SELENON: variants seen among roughly 807,000 people sequenced by gnomAD.
SELENON encodes selenoprotein N, also known as selenoprotein N, 1.
Under a neutral mutation model 59.5 loss-of-function variants are expected in SELENON, and 44 were observed. The observed-to-expected ratio is 0.74, with a 90% CI of 0.58 to 0.95. The LOEUF (loss-of-function observed/expected upper bound fraction) is 0.95. SELENON is among the 40% of genes least tolerant of loss of function. The probability of loss-of-function intolerance (pLI) is 0.00; values close to 1 mark genes in which losing one functional copy is unlikely to be tolerated. For missense variants in SELENON, 674 were observed against 721.4 expected (o/e 0.93, Z 0.75); for synonymous variants, 320 against 305.6 (o/e 1.05, Z -0.49).
chr1:25,812,584 C>CACAT, intron 9 of SELENON, 103 bp from the exon 9 acceptor site: 1 of 751,652 alleles, frequency 1.3e-6, no homozygotes. Context: ...CACACACACA[C>CACAT]ACACACACAC....
At chr1:25,802,138 G>T in intron 3 of SELENON, 1 of 234,702 alleles carries the variant, frequency 4.3e-6, no homozygotes, top group Non-Finnish European at 8.9e-6. Flanking sequence ...CCACAGGCAT[G>T]TGCTACCACG....
rs774698924 is a variant in SELENON, at chr1:25,811,504, A to G, written c.1061A>G (p.Asn354Ser). 9.9e-6 allele frequency: 16 copies of G among 1,614,140 alleles called. No individual in the cohort carries two copies. In the South Asian group the frequency reaches 1.5e-4, roughly 16 times the overall value. The change falls in exon 8 of 13, where the codon AAC becomes AGC. Residue 354 changes from asparagine (N) to serine (S), a missense_variant. Transcript: ENST00000361547. ...CTTTACGGGGCCAGTGAAAGCAGCAACATGGAGGTGGACATCGGCTACATA... is the reference window on the plus strand; with the variant it reads ...CTTTACGGGGCCAGTGAAAGCAGCAGCATGGAGGTGGACATCGGCTACATA...
At chr1:25,810,579 C>T (rs1237678565) in intron 7 of SELENON, among the ~76,000 whole-genome samples, 1 of 152,220 alleles carries the variant, frequency 6.6e-6, no homozygotes, top group Non-Finnish European at 1.5e-5. Flanking sequence ...AGGCCCTGGC[C>T]CTCTGTAGGC....
At chr1:25,804,321 A>T (rs1289886892) in intron 3 of SELENON, among the ~76,000 whole-genome samples, 1 of 152,132 alleles carries the variant, frequency 6.6e-6, no homozygotes, top group Non-Finnish European at 1.5e-5. Flanking sequence ...CTTCTGGTTG[A>T]GAACTGCTTT....
At position 25,807,599 on chromosome 1, in the gene SELENON, C is replaced by T. The variant is rs1010520305; in HGVS notation, c.538-981C>T. Among the ~76,000 whole-genome samples, 1 of 152,184 alleles carries T rather than the reference C, an allele frequency of 6.6e-6. No homozygotes were observed. Among genetic ancestry groups the T allele is most frequent in the East Asian group, 1.9e-4 (1 of 5,174 alleles). ...CCCAGCACCCATCGCTGGCAGGTCC[C>T]CTGCAGGGGGTGGCAAGCCTACAAG... On this transcript the variant is annotated intron_variant, in intron 4 of 12. Coordinates refer to ENST00000361547, the MANE Select transcript of SELENON (RefSeq NM_020451.3). This position sits in a 1 kb window ranked among gnomAD's most constrained non-coding sequence, Gnocchi z 4.5.
chr1:25,815,782 A>G lies in SELENON; in HGVS notation c.*64A>G, dbSNP rs974087501. The G allele has an allele frequency of 5.1e-6, 8 of 1,565,674 alleles. No homozygotes were observed. Among genetic ancestry groups the G allele is most frequent in the African/African-American group, 4.1e-5 (3 of 74,048 alleles). On this transcript the variant is annotated 3_prime_UTR_variant, in exon 13 of 13. Transcript: ENST00000361547. ...TCAGAGCCAGAGTGGTCCTCAGCCC[A>G]TTTCAGACTGCAGATGCCGCCCACT...
At position 25,812,699 on chromosome 1, in the gene SELENON, C is replaced by T; in HGVS notation, c.1294C>T (p.Pro432Ser). ...GGTGTGGCCCCAGGTCTCCTACTTGCCGTTCACTGAGGCCTTCGACCGAGC... is the reference window on the plus strand; with the variant it reads ...GGTGTGGCCCCAGGTCTCCTACTTGTCGTTCACTGAGGCCTTCGACCGAGC... The change falls in exon 10 of 13, where the codon CCG becomes TCG. Residue 432 changes from proline (P) to serine (S), a missense_variant. Transcript: ENST00000361547. 1 of 1,611,506 alleles carries T rather than the reference C, an allele frequency of 6.2e-7. No homozygotes were observed. Among genetic ancestry groups the T allele is most frequent in the Admixed American group, 1.7e-5 (1 of 59,912 alleles).
In SELENON at chr1:25,813,939, C is replaced by T; in HGVS notation, c.1446C>T (p.Leu482=). Reference sequence around the variant, plus strand: ...AAAGTTCGCCCATCCTCACCCTGCTCAACGAGAGCTTCATCAGCACCTGGT... The same window carrying T: ...AAAGTTCGCCCATCCTCACCCTGCTTAACGAGAGCTTCATCAGCACCTGGT... Residue 482 remains leucine (L), a synonymous_variant, in exon 11 of 13, where the codon CTC becomes CTT. Transcript: ENST00000361547. The T allele has an allele frequency of 1.2e-6, 2 of 1,614,168 alleles. No homozygotes were observed. Among genetic ancestry groups the T allele is most frequent in the African/African-American group, 1.3e-5 (1 of 75,042 alleles).
chr1:25,803,165 TG>T (rs2124440164), intron 3 of SELENON, among the ~76,000 whole-genome samples: 1 of 152,356 alleles, frequency 6.6e-6, no homozygotes, highest in African/African-American at 2.4e-5. Flanking sequence ...CTGTACTTCT[TG>T]TTTTGCATAC....
rs1277057469 is a variant in SELENON, at chr1:25,802,096, T to C, written c.382T>C (p.Ser128Pro). The C allele has an allele frequency of 6.8e-6, 2 of 295,694 alleles. No homozygotes were observed. Among genetic ancestry groups the C allele is most frequent in the Non-Finnish European group, 1.4e-5 (2 of 142,268 alleles). The allele number at this position is 295,694 out of a possible 1,614,324, so 18.3% of individuals were successfully genotyped here. Residue 128 changes from serine (S) to proline (P), a missense_variant, in exon 3 of 13, where the codon TCC becomes CCC. Coordinates refer to ENST00000361547, the MANE Select transcript of SELENON (RefSeq NM_020451.3). ...GCCTCAACTTCCCTGGCTCAATTGA[T>C]CCTCCTGCCTCAGCCTCCTGAGTAA...
At position 25,800,200 on chromosome 1, in the gene SELENON, G is replaced by GGGCCGCCGGC. The variant is rs1553198455; in HGVS notation, c.-30_-21dup. ...GCCCCGCCCCGCTCTTTCGCTTCCC[G>GGGCCGCCGGC]GGCCGCCGGCAGCCGCCGCCAGCCG... is the stretch of plus-strand genomic sequence containing the variant. On this transcript the variant is annotated 5_prime_UTR_variant, in exon 1 of 13. Transcript: ENST00000361547. 4.2e-5 allele frequency: 14 copies of GGGCCGCCGGC among 336,198 alleles called. No homozygotes were observed. Among genetic ancestry groups the GGGCCGCCGGC allele is most frequent in the Non-Finnish European group, 5.8e-5 (14 of 241,780 alleles). 20.8% of individuals were successfully genotyped at this position (336,198 alleles called of 1,614,324 possible).
intron 7 of SELENON, 115 bp downstream of exon 6, chr1:25,809,935 C>T (rs1428412747): frequency 1.5e-6 from 2 of 1,346,256 alleles, no homozygotes; most frequent in African/African-American, 2.9e-5. Flanking sequence ...TCCCCAGAGC[C>T]CATCTCATGG....
At chr1:25,808,522 C>T in intron 4 of SELENON, 58 bp from the exon 4 acceptor site, 1 of 1,593,202 alleles carries the variant, frequency 6.3e-7, no homozygotes. Flanking sequence ...CCACATGGTA[C>T]AGGAGACCCC....
At position 25,808,574 on chromosome 1, in the gene SELENON, C is replaced by A. The variant is rs758398902; in HGVS notation, c.538-6C>A. ...ATTCCTGGAGCTTTGCTTTCCCCCG[C>A]CCCAGGTCTCCCGCCTCGCCCTGTC... On this transcript the variant is annotated splice_region_variant and splice_polypyrimidine_tract_variant and intron_variant, in intron 4 of 12. Coordinates refer to ENST00000361547, the MANE Select transcript of SELENON (RefSeq NM_020451.3). 6.2e-7 allele frequency: 1 copy of A among 1,613,340 alleles called. No homozygotes were observed. Among genetic ancestry groups the A allele is most frequent in the East Asian group, 2.2e-5 (1 of 44,866 alleles).
chr1:25,812,149 T>G (rs948355727), intron 9 of SELENON, among the ~76,000 whole-genome samples: 12 of 152,112 alleles, frequency 7.9e-5, no homozygotes, highest in African/African-American at 2.7e-4. Context: ...AAGAGCAATC[T>G]GGGCAACATA....
At chr1:25,803,023 T>C (rs2124440035) in intron 3 of SELENON, among the ~76,000 whole-genome samples, 1 of 152,322 alleles carries the variant, frequency 6.6e-6, no homozygotes, top group South Asian at 2.1e-4. Context: ...CTGTGATCAC[T>C]GCTAGAGGAG....
At position 25,801,060 on chromosome 1, in the gene SELENON, C is replaced by G. The variant is rs757396572; in HGVS notation, c.201C>G (p.Thr67=). ...CCAAGCAGGAACTGGCGCTGAAGAC[C>G]CTGGGGACAGATGGCCTTTTTCTCT... Residue 67 remains threonine, a synonymous_variant, in exon 2 of 13, where the codon ACC becomes ACG. Coordinates refer to ENST00000361547, the MANE Select transcript of SELENON (RefSeq NM_020451.3). 3 of 1,613,992 alleles carry G rather than the reference C, an allele frequency of 1.9e-6. No homozygotes were observed. In the African/African-American group the frequency reaches 4.0e-5, roughly 22 times the overall value.
At chr1:25,808,893 T>TGGA in intron 5 of SELENON, 104 bp downstream of exon 4, 1 of 1,570,686 alleles carries the variant, frequency 6.4e-7, no homozygotes, top group Non-Finnish European at 8.8e-7. Context: ...CTCCACCTGC[T>TGGA]CTCCTGCCTT....
At chr1:25,803,914 G>C (rs1465165711) in intron 3 of SELENON, among the ~76,000 whole-genome samples, 2 of 152,066 alleles carry the variant, frequency 1.3e-5, no homozygotes, top group Non-Finnish European at 2.9e-5. Flanking sequence ...TGTTGGCCAA[G>C]CTGGTCTCAA....
Sources: gnomAD v4.1 joint callset for allele counts (sites outside exome capture counted in the v4.1 genomes callset) on GRCh38, gnomAD v4.1.1 for gene constraint, Gnocchi (gnomAD v3.1) non-coding constraint, MANE v1.5 for transcripts, NCBI Gene and HGNC (gene_info 2026-07-23, HGNC 2026-07-21) for gene names.